The following LRRC20 variants were observed in gnomAD, a reference collection of about 807,000 sequenced individuals.
LRRC20 encodes the protein leucine-rich repeat-containing protein 20.
A neutral mutation model predicts 14.4 loss-of-function variants in LRRC20; 11 were observed. The ratio of observed to expected loss-of-function variants is 0.77; its 90% CI spans 0.48 to 1.27. LRRC20 has a LOEUF of 1.27. Ranked by LOEUF, LRRC20 falls within the 50% of genes most tolerant of loss-of-function variation. The probability of loss-of-function intolerance (pLI) is 0.00; values close to 1 mark genes in which losing one functional copy is unlikely to be tolerated. For synonymous variants in LRRC20, 121 were observed against 107.3 expected, an observed-to-expected ratio of 1.13 and a Z score of -0.79; for missense variants, 219 against 251.2, an observed-to-expected ratio of 0.87 and a Z score of 0.87.
chr10:70,348,416 TATGCTGTATGCCAC>T (rs1267038076), intron 2 of LRRC20, among the ~76,000 whole-genome samples: 1 of 152,170 alleles, frequency 6.6e-6, no homozygotes, highest in Non-Finnish European at 1.5e-5. Flanking sequence ...CAAGGAGCAA[TATGCTGTATGCCAC>T]ACACGGGGGA....
In LRRC20 at chr10:70,306,740, G is replaced by A. The variant is rs566817111; in HGVS notation, c.401-5232C>T. On this transcript the variant is annotated intron_variant, in intron 4 of 4. Transcript: ENST00000446961. ...AGAGCGTGCAAATATCCTAAATGTTGGTTCTCACCAACATTTAGCATTCAT... is the reference window on the plus strand; with the variant it reads ...AGAGCGTGCAAATATCCTAAATGTTAGTTCTCACCAACATTTAGCATTCAT... 5.3e-5 allele frequency among the ~76,000 whole-genome samples: 8 copies of A among 151,972 alleles called. No homozygotes were observed. In the South Asian group the frequency reaches 1.5e-3, roughly 28 times the overall value.
chr10:70,348,801 G>A (rs1436879257), intron 2 of LRRC20, among the ~76,000 whole-genome samples: 2 of 152,226 alleles, frequency 1.3e-5, no homozygotes, highest in African/African-American at 4.8e-5. Flanking sequence ...GGGGCCAACA[G>A]CCTTCTGCAC....
intron 3 of LRRC20, among the ~76,000 whole-genome samples, chr10:70,326,040 G>A (rs77896295): frequency 2.6e-5 from 4 of 152,032 alleles, no homozygotes; most frequent in African/African-American, 9.7e-5. Context: ...GTAAATGAAA[G>A]GCACCATGAC....
chr10:70,343,394 G>T (rs1361954516), intron 2 of LRRC20, among the ~76,000 whole-genome samples: 1 of 152,156 alleles, frequency 6.6e-6, no homozygotes, highest in Non-Finnish European at 1.5e-5. Context: ...GATGACTGAG[G>T]GTCCACAGGG....
intron 2 of LRRC20, among the ~76,000 whole-genome samples, chr10:70,360,596 C>G (rs1176739068): frequency 6.6e-6 from 1 of 152,128 alleles, no homozygotes; most frequent in African/African-American, 2.4e-5. Context: ...GCCACCCTGC[C>G]CGGTTAATTT....
intron 3 of LRRC20, among the ~76,000 whole-genome samples, chr10:70,334,101 G>GATAGTGCC (rs1842632602): frequency 6.6e-6 from 1 of 151,458 alleles, no homozygotes; most frequent in Non-Finnish European, 1.5e-5. Context: ...AGTGAGCAGA[G>GATAGTGCC]ATAGTGCCAC....
chr10:70,305,185 A>T (rs1437392331), intron 4 of LRRC20, among the ~76,000 whole-genome samples: 1 of 152,164 alleles, frequency 6.6e-6, no homozygotes, highest in African/African-American at 2.4e-5. Context: ...ACTCTATCTA[A>T]ATAAATAAAT....
At chr10:70,346,552 C>A (rs1843077672) in intron 2 of LRRC20, among the ~76,000 whole-genome samples, 1 of 152,042 alleles carries the variant, frequency 6.6e-6, no homozygotes, top group South Asian at 2.1e-4. Flanking sequence ...TATTATCAAC[C>A]CAGGTGTGTT....
chr10:70,312,945 A>G (rs141006398), intron 4 of LRRC20, among the ~76,000 whole-genome samples: 136 of 152,320 alleles, frequency 8.9e-4, no homozygotes, highest in African/African-American at 3.0e-3. Context: ...CAGGGAAAGA[A>G]AAGCAAAGGA....
Position 70,320,345 on chromosome 10 carries a change from A to AGATAGATC in LRRC20, c.400+3517_400+3518insGATCTATC, listed in dbSNP as rs796366410. 8.8e-4 allele frequency among the ~76,000 whole-genome samples: 131 copies of AGATAGATC among 148,662 alleles called. 1 individual carries two copies. Among genetic ancestry groups the AGATAGATC allele is most frequent in the Admixed American group, 4.5e-3 (67 of 14,960 alleles). The stretch of plus-strand genomic sequence containing the variant: ...TAGATAGATAGATAGATAGATAGAT[A>AGATAGATC]GATCTGTGCATGCACATAGTAAAAC... On this transcript the variant is annotated intron_variant, in intron 4 of 4. Transcript: ENST00000446961.
intron 3 of LRRC20, among the ~76,000 whole-genome samples, chr10:70,330,428 T>C (rs74673686): frequency 0.038 from 5,711 of 151,016 alleles, 163 homozygotes; most frequent in East Asian, 0.097. Flanking sequence ...AGGTTTTGAG[T>C]GGGAACCAAA....
chr10:70,306,048 G>A (rs942256783), intron 4 of LRRC20, among the ~76,000 whole-genome samples: 1 of 151,370 alleles, frequency 6.6e-6, no homozygotes, highest in African/African-American at 2.4e-5. Flanking sequence ...ACCTAGATTC[G>A]CCAATTGTTA....
At position 70,343,713 on chromosome 10, in the gene LRRC20, C is replaced by T. The variant is rs745819656; in HGVS notation, c.83-3011G>A. ...AACAAGCCCTCTAGTGCTCTGTGAC[C>T]GATATATTAAGGGCTGGAAAGAAGT... On this transcript the variant is annotated intron_variant, in intron 2 of 4. Coordinates refer to ENST00000446961, the MANE Select transcript of LRRC20 (RefSeq NM_001278212.2). 3.3e-5 allele frequency among the ~76,000 whole-genome samples: 5 copies of T among 152,090 alleles called. No individual in the cohort carries two copies. In the South Asian group the frequency reaches 6.2e-4, roughly 19 times the overall value.
chr10:70,336,062 G>A (rs1376124049), intron 3 of LRRC20, among the ~76,000 whole-genome samples: 3 of 152,158 alleles, frequency 2.0e-5, no homozygotes, highest in African/African-American at 7.2e-5. Flanking sequence ...CCGGGGCCAC[G>A]TCCAGTTCTC....
chr10:70,306,514 C>A (rs34343197), intron 4 of LRRC20, among the ~76,000 whole-genome samples: 1 of 152,128 alleles, frequency 6.6e-6, no homozygotes, highest in Non-Finnish European at 1.5e-5. Flanking sequence ...ACGATTCAAC[C>A]GAGACTTCGC....
intron 2 of LRRC20, among the ~76,000 whole-genome samples, chr10:70,357,135 T>A (rs1843556206): frequency 6.6e-6 from 1 of 152,174 alleles, no homozygotes; most frequent in Admixed American, 6.5e-5. Context: ...TCCATTTACA[T>A]AAAATGTCCA....
chr10:70,324,080 C>T lies in LRRC20; in HGVS notation c.233-50G>A, dbSNP rs759595028. 29 of 1,574,772 alleles carry T rather than the reference C, an allele frequency of 1.8e-5. No homozygotes were observed. In the East Asian group the frequency reaches 2.2e-4, roughly 12 times the overall value. On this transcript the variant is annotated intron_variant, in intron 3 of 4. Coordinates refer to ENST00000446961, the MANE Select transcript of LRRC20 (RefSeq NM_001278212.2). ...GAACAGGATGAGGAGGGGGCCACCC[C>T]GAGACCACAGTGACTGCCCGCTGTG...
chr10:70,363,043 G>A (rs894539810), intron 2 of LRRC20, among the ~76,000 whole-genome samples: 1 of 151,894 alleles, frequency 6.6e-6, no homozygotes, highest in Non-Finnish European at 1.5e-5. Context: ...GGCTGAGATG[G>A]GAGGATCACT....
chr10:70,312,901 C>G (rs1363398811), intron 4 of LRRC20, among the ~76,000 whole-genome samples: 1 of 152,136 alleles, frequency 6.6e-6, no homozygotes, highest in Admixed American at 6.5e-5. Flanking sequence ...ACCAATAAAC[C>G]TAGAGACATT....
Sources: allele counts gnomAD v4.1 joint callset (sites outside exome capture counted in the v4.1 genomes callset), GRCh38; gene constraint gnomAD v4.1.1; transcripts MANE v1.5; gene names NCBI Gene and HGNC (gene_info 2026-07-23, HGNC 2026-07-21).